The following SYNE2 variants were observed in gnomAD, a reference collection of about 807,000 sequenced individuals.
SYNE2 encodes the protein spectrin repeat containing nuclear envelope protein 2, also known as nesprin-2.
In SYNE2, 431 loss-of-function variants were observed where a neutral mutation model predicts 856.3. That is an observed-to-expected ratio of 0.50 (90% CI 0.47 to 0.55). The LOEUF (loss-of-function observed/expected upper bound fraction) is 0.55, where lower values mean the gene tolerates loss of function less well. Ranked by LOEUF, SYNE2 falls within the 20% of genes least tolerant of loss-of-function variation. The probability of loss-of-function intolerance (pLI) is 0.00; values close to 1 mark genes in which losing one functional copy is unlikely to be tolerated. For missense variants in SYNE2, 8,129 were observed against 8,023.2 expected (o/e 1.01, Z -0.50); for synonymous variants, 2,923 against 2,872.3 (o/e 1.02, Z -0.56).
intron 55 of SYNE2, among the ~76,000 whole-genome samples, chr14:64,078,942 C>T (rs1160879674): frequency 1.3e-5 from 2 of 152,078 alleles, no homozygotes; most frequent in Non-Finnish European, 2.9e-5. Context: ...TGTGGTGGCA[C>T]AAGACTGCAA....
In SYNE2 at chr14:64,188,678, T is replaced by C; in HGVS notation, c.17841T>C (p.Ser5947=). ...AAGTTCTACAGACAGCGGACATTAG[T>C]ATTGAAGAAATGATTGAAAAGTTAC... is the stretch of plus-strand genomic sequence containing the variant. The part of the protein sequence containing the change: ...ENKVLQTADI[S]IEEMIEKLQK... The change falls in exon 98 of 116, where the codon AGT becomes AGC. Residue 5947 remains serine (S), a synonymous_variant. Coordinates refer to ENST00000555002, the MANE Select transcript of SYNE2 (RefSeq NM_182914.3). The C allele has an allele frequency of 3.1e-6, 5 of 1,614,168 alleles. No individual in the cohort carries two copies. Among genetic ancestry groups the C allele is most frequent in the East Asian group, 2.2e-5 (1 of 44,888 alleles).
At position 64,017,443 on chromosome 14, in the gene SYNE2, T is replaced by A. The variant is rs976119040; in HGVS notation, c.4888-152T>A. 7 of 618,856 alleles carry A rather than the reference T, an allele frequency of 1.1e-5. No homozygotes were observed. In the Admixed American group the frequency reaches 1.4e-4, roughly 13 times the overall value. The allele number at this position is 618,856 out of a possible 1,614,324, so 38.3% of individuals were successfully genotyped here. ...TTATTTTTTAAGAGAAAGAACTACA[T>A]GATATGTTAAAGCAAATTTTTGTTG... is the stretch of plus-strand genomic sequence containing the variant. On this transcript the variant is annotated intron_variant, in intron 33 of 115. Transcript: ENST00000555002.
At chr14:64,020,503 G>A (rs571657072) in intron 35 of SYNE2, among the ~76,000 whole-genome samples, 1 of 152,202 alleles carries the variant, frequency 6.6e-6, no homozygotes, top group South Asian at 2.1e-4. Context: ...CTAATAGTTG[G>A]TATAGTTAAA....
At chr14:64,082,427 T>C (rs982256314) in intron 57 of SYNE2, among the ~76,000 whole-genome samples, 1 of 121,772 alleles carries the variant, frequency 8.2e-6, no homozygotes, top group Non-Finnish European at 1.7e-5. Flanking sequence ...TCTCAAGCAT[T>C]TCAGATAAGG....
intron 2 of SYNE2, among the ~76,000 whole-genome samples, chr14:63,911,371 C>A (rs934007614): frequency 6.6e-6 from 1 of 152,194 alleles, no homozygotes; most frequent in Non-Finnish European, 1.5e-5. Flanking sequence ...TCTCTTTGAG[C>A]ACTTGGTAGT....
At chr14:63,877,823 A>G (rs1023611670) in intron 1 of SYNE2, among the ~76,000 whole-genome samples, 2 of 150,964 alleles carry the variant, frequency 1.3e-5, no homozygotes, top group African/African-American at 2.4e-5. Flanking sequence ...ATGACTGTCT[A>G]TAAGGTGTGG....
At chr14:64,092,452 T>C (rs1237546309) in intron 60 of SYNE2, among the ~76,000 whole-genome samples, 1 of 152,164 alleles carries the variant, frequency 6.6e-6, no homozygotes, top group Non-Finnish European at 1.5e-5. Context: ...CAAATTCCTT[T>C]TGTGGAGAGA....
intron 1 of SYNE2, among the ~76,000 whole-genome samples, chr14:63,883,818 A>T (rs937639344): frequency 2.6e-5 from 4 of 151,930 alleles, no homozygotes; most frequent in African/African-American, 9.7e-5. Context: ...ACTAAAATAT[A>T]AATGTAGCCT....
chr14:64,077,640 T>A (rs1435650188), intron 54 of SYNE2, among the ~76,000 whole-genome samples: 7 of 149,844 alleles, frequency 4.7e-5, no homozygotes, highest in South Asian at 4.2e-4. Flanking sequence ...TAGAGTTGTT[T>A]TTTTTTTTAA....
intron 1 of SYNE2, among the ~76,000 whole-genome samples, chr14:63,783,441 G>T (rs1360061187): frequency 6.6e-6 from 1 of 151,956 alleles, no homozygotes; most frequent in African/African-American, 2.4e-5. Flanking sequence ...GCAGTGGCGC[G>T]ATCTTGGCTC....
chr14:63,993,840 A>G lies in SYNE2; in HGVS notation c.2652A>G (p.Ala884=). 8 of 1,600,894 alleles carry G rather than the reference A, an allele frequency of 5.0e-6. No individual in the cohort carries two copies. The highest frequency in any genetic ancestry group is 6.8e-6 in the Non-Finnish European group (8 of 1,174,430). The change falls in exon 22 of 116, where the codon GCA becomes GCG. Residue 884 remains alanine (A), a synonymous_variant. Transcript: ENST00000555002. ...PGELISKHKE[A]LIISNTKSLA... ...GCAATTTTTTTTTTTTTTAGGAAGC[A>G]CTAATAATTTCTAATACAAAAAGTC...
chr14:63,980,723 A>C lies in SYNE2; in HGVS notation c.1639A>C (p.Lys547Gln). Residue 547 changes from lysine to glutamine, a missense_variant, in exon 15 of 116, where the codon AAG (lysine) becomes CAG (glutamine). Physicochemically the swap from Lys to Gln is moderately conservative, Grantham distance 53. Coordinates refer to ENST00000555002, the MANE Select transcript of SYNE2 (RefSeq NM_182914.3). ...TTTTCAAAAATGTGGAGAAATTTATAAGAATTTGGGTAAAGTGGTTCAGTT... is the reference window on the plus strand; with the variant it reads ...TTTTCAAAAATGTGGAGAAATTTATCAGAATTTGGGTAAAGTGGTTCAGTT... ...TSFQKCGEIY[K>Q]NLAGECQNIN... 6.3e-6 allele frequency: 10 copies of C among 1,599,828 alleles called. No individual in the cohort carries two copies. Among genetic ancestry groups the C allele is most frequent in the Non-Finnish European group, 8.6e-6 (10 of 1,167,464 alleles).
intron 2 of SYNE2, among the ~76,000 whole-genome samples, chr14:63,939,115 G>T (rs2095868874): frequency 6.6e-6 from 1 of 152,190 alleles, no homozygotes; most frequent in South Asian, 2.1e-4. Flanking sequence ...GTCTGGGCCT[G>T]TGCTTATCTC....
intron 96 of SYNE2, among the ~76,000 whole-genome samples, chr14:64,180,249 C>A (rs1263145287): frequency 2.0e-5 from 3 of 152,150 alleles, no homozygotes; most frequent in Admixed American, 1.3e-4. Context: ...TGTAACACAT[C>A]TTTATTTCAG....
At chr14:63,772,333 G>A (rs566931613) in intron 1 of SYNE2, among the ~76,000 whole-genome samples, 81 of 152,176 alleles carry the variant, frequency 5.3e-4, no homozygotes, top group Non-Finnish European at 8.5e-4. Context: ...CAGCCTGGGC[G>A]GCAGAATGAG....
rs1007647350 is a variant in SYNE2 at position 64,113,144 on chromosome 14, T to C, written c.12610-197T>C. The C allele has an allele frequency of 9.1e-6, 9 of 985,276 alleles. No individual in the cohort carries two copies. The African/African-American group carries it at 1.6e-4, about 17-fold the overall frequency. The allele number at this position is 985,276 out of a possible 1,614,324, so 61.0% of individuals were successfully genotyped here. A position where few individuals can be genotyped will look rare whatever the true frequency, so the allele number is the denominator to read the frequency against. On this transcript the variant is annotated intron_variant, in intron 65 of 115. Coordinates refer to ENST00000555002, the MANE Select transcript of SYNE2 (RefSeq NM_182914.3). ...AATACTGTACCTGCTTACTCGCAGA[T>C]CGGCTGCTTGGAAACCTGTGGCACC...
At chr14:64,083,594 G>A (rs943483528) in intron 57 of SYNE2, among the ~76,000 whole-genome samples, 1 of 152,310 alleles carries the variant, frequency 6.6e-6, no homozygotes, top group South Asian at 2.1e-4. Flanking sequence ...TTATTTCTAT[G>A]TGTCCCGATG....
chr14:64,086,780 G>A (rs1345789625), intron 57 of SYNE2, among the ~76,000 whole-genome samples: 3 of 136,670 alleles, frequency 2.2e-5, no homozygotes, highest in African/African-American at 8.3e-5. Flanking sequence ...TGCAATAATG[G>A]CTCACTGCAG....
Position 64,022,832 on chromosome 14 carries a change from A to G in SYNE2, c.5606A>G (p.Lys1869Arg). Reference sequence around the variant, plus strand: ...TGTTTTGAATCATCAGAAACAAAAAAGAGTGTGGAACAAAAGCTACAAAAA... The same window carrying G: ...TGTTTTGAATCATCAGAAACAAAAAGGAGTGTGGAACAAAAGCTACAAAAA... Reference protein sequence around the residue: ...KECFESSETKKSVEQKLQKLS... With the variant: ...KECFESSETKRSVEQKLQKLS... The change falls in exon 38 of 116, where the codon AAG becomes AGG. Residue 1869 changes from lysine (K) to arginine (R), a missense_variant. Physicochemically the swap from Lys to Arg is conservative, Grantham distance 26 (BLOSUM62 2). Coordinates refer to ENST00000555002, the MANE Select transcript of SYNE2 (RefSeq NM_182914.3). The G allele has an allele frequency of 1.2e-6, 2 of 1,609,190 alleles. No homozygotes were observed. The highest frequency in any genetic ancestry group is 1.7e-6 in the Non-Finnish European group (2 of 1,175,964).
Sources: allele counts gnomAD v4.1 joint callset (sites outside exome capture counted in the v4.1 genomes callset), GRCh38; gene constraint gnomAD v4.1.1; transcripts MANE v1.5; gene names NCBI Gene and HGNC (gene_info 2026-07-23, HGNC 2026-07-21).